Variants in KLHL29 observed in about 807,000 individuals in gnomAD.
KLHL29 encodes the protein kelch-like protein 29.
In KLHL29, 21 loss-of-function variants were observed where a neutral mutation model predicts 80.4. That is an observed-to-expected ratio of 0.26 (90% confidence interval 0.19 to 0.38). KLHL29 has a LOEUF of 0.38. KLHL29 is among the 10% of genes least tolerant of loss of function. KLHL29 has a pLI of 1.00. For synonymous variants in KLHL29, 511 were observed against 526.8 expected (o/e 0.97, Z 0.41); for missense variants, 867 against 1,223.9 (o/e 0.71, Z 4.35).
chr2:23,430,154 C>T (rs1249584522), intron 1 of KLHL29, among the ~76,000 whole-genome samples: 1 of 152,166 alleles, frequency 6.6e-6, no homozygotes. Context: ...ACCTGGAAGA[C>T]TTGTTAAACC....
chr2:23,450,397 C>T (rs1663841852), intron 1 of KLHL29, among the ~76,000 whole-genome samples: 2 of 152,068 alleles, frequency 1.3e-5, no homozygotes, highest in South Asian at 4.2e-4. Context: ...ATTTAATAAC[C>T]TTATAGGGCT....
chr2:23,651,895 G>A lies in KLHL29; in HGVS notation c.940+9045G>A, dbSNP rs371113909. On this transcript the variant is annotated intron_variant, in intron 5 of 13. Transcript: ENST00000486442. ...CCTCTTCTTAGAAGGACAGCAGTCC[G>A]ACTGGGTTAGGGACCCACCCTATGA... Among the ~76,000 whole-genome samples, 18 of 152,246 alleles carry A rather than the reference G, an allele frequency of 1.2e-4. No homozygotes were observed. The East Asian group carries it at 2.5e-3, about 21-fold the overall frequency.
intron 2 of KLHL29, among the ~76,000 whole-genome samples, chr2:23,535,482 G>T (rs1354792520): frequency 6.6e-6 from 1 of 152,154 alleles, no homozygotes; most frequent in Non-Finnish European, 1.5e-5. Flanking sequence ...ATAGCCAAAA[G>T]GTAGAAGCAA....
intron 2 of KLHL29, among the ~76,000 whole-genome samples, chr2:23,538,470 C>G (rs1416929466): frequency 6.6e-6 from 1 of 152,222 alleles, no homozygotes; most frequent in Non-Finnish European, 1.5e-5. Flanking sequence ...AGGAGATTAT[C>G]TGTCATCCTT....
At chr2:23,403,726 A>AGAGAGTGTGTGTGT (rs534136885) in intron 1 of KLHL29, among the ~76,000 whole-genome samples, 25 of 144,012 alleles carry the variant, frequency 1.7e-4, no homozygotes, top group Non-Finnish European at 3.6e-4. Flanking sequence ...AGAGAGAGAG[A>AGAGAGTGTGTGTGT]GTGTGTGTGT....
intron 5 of KLHL29, among the ~76,000 whole-genome samples, chr2:23,654,940 G>A (rs565701613): frequency 3.3e-5 from 5 of 152,294 alleles, no homozygotes; most frequent in African/African-American, 1.2e-4. Context: ...TGTAGCCTGT[G>A]TGGTCACTAG....
intron 3 of KLHL29, among the ~76,000 whole-genome samples, chr2:23,564,724 G>A (rs1051885373): frequency 6.6e-6 from 1 of 152,222 alleles, no homozygotes; most frequent in Admixed American, 6.5e-5. Flanking sequence ...CCAGGTATTT[G>A]CGGTTTCCCC....
Position 23,562,256 on chromosome 2 carries a change from A to G in KLHL29, c.60A>G (p.Glu20=), listed in dbSNP as rs759826705. ...RDYRVGWDRR[E]WSVNGTHGTT... is the part of the protein sequence containing the mutation. Reference sequence around the variant, plus strand: ...ACCGGGTGGGCTGGGACCGCCGCGAATGGAGCGTCAACGGGACGCATGGGA... The same window carrying G: ...ACCGGGTGGGCTGGGACCGCCGCGAGTGGAGCGTCAACGGGACGCATGGGA... Residue 20 remains glutamate (E), a synonymous_variant, in exon 3 of 14, where the codon GAA becomes GAG. Coordinates refer to ENST00000486442, the MANE Select transcript of KLHL29 (RefSeq NM_052920.2). This position sits in a 1 kb window ranked among gnomAD's most constrained non-coding sequence, Gnocchi z 4.5. 1 of 1,550,352 alleles carries G rather than the reference A, an allele frequency of 6.5e-7. No homozygotes were observed. Among genetic ancestry groups the G allele is most frequent in the South Asian group, 1.2e-5 (1 of 84,006 alleles).
intron 1 of KLHL29, among the ~76,000 whole-genome samples, chr2:23,388,459 C>T (rs1378818635): frequency 6.6e-6 from 1 of 152,120 alleles, no homozygotes; most frequent in Non-Finnish European, 1.5e-5. Context: ...GGAAGTGTGG[C>T]GGTTGGTGTG....
chr2:23,608,303 A>C (rs1345913861), intron 3 of KLHL29, among the ~76,000 whole-genome samples: 2 of 152,218 alleles, frequency 1.3e-5, no homozygotes, highest in Non-Finnish European at 2.9e-5. Context: ...AAACATATCT[A>C]TAGCTTACTG....
At chr2:23,632,588 C>T (rs1446372509) in intron 3 of KLHL29, among the ~76,000 whole-genome samples, 2 of 152,242 alleles carry the variant, frequency 1.3e-5, no homozygotes, top group East Asian at 1.9e-4. Context: ...TGATATGATT[C>T]CCCCCAGGGC....
At chr2:23,450,422 C>T (rs1382841104) in intron 1 of KLHL29, among the ~76,000 whole-genome samples, 1 of 152,096 alleles carries the variant, frequency 6.6e-6, no homozygotes, top group African/African-American at 2.4e-5. Flanking sequence ...GGTGGCTGTG[C>T]TGTGAGACAG....
intron 3 of KLHL29, among the ~76,000 whole-genome samples, chr2:23,567,774 G>A (rs1405411687): frequency 6.6e-6 from 1 of 152,236 alleles, no homozygotes; most frequent in East Asian, 1.9e-4. Context: ...CTTGCCGAGT[G>A]GGCTCAGTTG....
At chr2:23,691,934 T>G in intron 7 of KLHL29, 58 bp downstream of exon 7, 1 of 1,493,372 alleles carries the variant, frequency 6.7e-7, no homozygotes, top group East Asian at 2.5e-5. Context: ...GGCGGAGAAC[T>G]CCATAAACAG....
intron 3 of KLHL29, among the ~76,000 whole-genome samples, chr2:23,593,831 G>T (rs1004438394): frequency 6.6e-6 from 1 of 152,218 alleles, no homozygotes; most frequent in Non-Finnish European, 1.5e-5. Context: ...TTACACATAA[G>T]AGGTGGGAGG....
At chr2:23,511,197 T>C (rs1209498945) in intron 2 of KLHL29, among the ~76,000 whole-genome samples, 2 of 152,112 alleles carry the variant, frequency 1.3e-5, no homozygotes, top group Admixed American at 1.3e-4. Flanking sequence ...TCAAAATCTT[T>C]AGGAGTGTGG....
At chr2:23,480,265 T>C (rs769635190) in intron 2 of KLHL29, among the ~76,000 whole-genome samples, 5 of 152,168 alleles carry the variant, frequency 3.3e-5, no homozygotes, top group African/African-American at 4.8e-5. Context: ...GGTGGGCGGA[T>C]CACTTGAGGC....
intron 2 of KLHL29, among the ~76,000 whole-genome samples, chr2:23,502,304 C>T (rs1264293117): frequency 6.6e-6 from 1 of 152,274 alleles, no homozygotes; most frequent in Non-Finnish European, 1.5e-5. Flanking sequence ...GAGGCCTACT[C>T]ATCGGTCTGC....
At chr2:23,494,620 T>C (rs1008451287) in intron 2 of KLHL29, among the ~76,000 whole-genome samples, 3 of 152,156 alleles carry the variant, frequency 2.0e-5, no homozygotes, top group African/African-American at 7.2e-5. Context: ...CCGAAGCCTC[T>C]CTGGAGAGTT....
Sources: gnomAD v4.1 joint callset for allele counts (sites outside exome capture counted in the v4.1 genomes callset) on GRCh38, gnomAD v4.1.1 for gene constraint, Gnocchi (gnomAD v3.1) non-coding constraint, MANE v1.5 for transcripts, NCBI Gene and HGNC (gene_info 2026-07-23, HGNC 2026-07-21) for gene names.